The following NOS1 variants were observed in gnomAD, a reference collection of about 807,000 sequenced individuals.
The protein encoded by NOS1 is nitric oxide synthase 1.
In NOS1, 51 loss-of-function variants were observed where a neutral mutation model predicts 164.5. The observed-to-expected ratio is 0.31, with a 90% confidence interval of 0.25 to 0.39. The LOEUF is 0.39. NOS1 is among the 10% of genes least tolerant of loss of function. The pLI, the probability that NOS1 is intolerant of heterozygous loss-of-function variation, is 1.00. For synonymous variants in NOS1, 719 were observed against 745.8 expected (o/e 0.96, Z 0.59); for missense variants, 1,362 against 1,885.6 (o/e 0.72, Z 5.14).
chr12:117,268,951 A>G (rs1342546302), intron 10 of NOS1, among the ~76,000 whole-genome samples: 4 of 152,178 alleles, frequency 2.6e-5, no homozygotes, highest in Admixed American at 2.0e-4. Context: ...ATGTTAAAAA[A>G]TTTAAAAAGT....
At chr12:117,244,606 G>A (rs903259233) in intron 18 of NOS1, among the ~76,000 whole-genome samples, 3 of 152,206 alleles carry the variant, frequency 2.0e-5, no homozygotes, top group Non-Finnish European at 4.4e-5. Context: ...TTTAAGAGTA[G>A]TTTTTACCAT....
At position 117,214,008 on chromosome 12, in the gene NOS1, T is replaced by G. The variant is rs888625708; in HGVS notation, c.*1301A>C. The G allele has an allele frequency of 2.0e-6, 2 of 985,228 alleles. No homozygotes were observed. The highest frequency in any genetic ancestry group is 2.4e-6 in the Non-Finnish European group (2 of 829,932). The allele number at this position is 985,228 out of a possible 1,614,324, so 61.0% of individuals were successfully genotyped here. ...TTTGTCAAAATTAATTTAACAGGTT[T>G]AAAACTTTGGAGATCAACTGCAGAG... On this transcript the variant is annotated 3_prime_UTR_variant, in exon 29 of 29. Transcript: ENST00000317775.
At position 117,211,326 on chromosome 12, in the gene NOS1, C is replaced by T. The variant is rs1005816449; in HGVS notation, c.*3983G>A. 4.0e-5 allele frequency: 39 copies of T among 985,254 alleles called. No individual in the cohort carries two copies. The highest frequency in any genetic ancestry group is 4.7e-5 in the Non-Finnish European group (39 of 829,970). 61.0% of individuals were successfully genotyped at this position (985,254 alleles called of 1,614,324 possible). A position where few individuals can be genotyped will look rare whatever the true frequency, so the allele number is the denominator to read the frequency against. ...GGATGGGGTGCCAGGTACGCTGATT[C>T]AGTTCCTGGAGTCTCTTTATCACTA... On this transcript the variant is annotated 3_prime_UTR_variant, in exon 29 of 29. Transcript: ENST00000317775.
chr12:117,225,250 G>A, intron 24 of NOS1, 113 bp from the exon 25 acceptor site: 1 of 1,396,182 alleles, frequency 7.2e-7, no homozygotes, highest in East Asian at 2.4e-5. Context: ...TGAGACTTAA[G>A]GCTCTTCAGC....
At chr12:117,340,036 G>T (rs148654576) in intron 1 of NOS1, among the ~76,000 whole-genome samples, 1 of 152,148 alleles carries the variant, frequency 6.6e-6, no homozygotes, top group Admixed American at 6.5e-5. Flanking sequence ...ACAGGGTCTC[G>T]CTTTGTTGCC....
At chr12:117,224,405 C>A (rs1868467110) in intron 25 of NOS1, among the ~76,000 whole-genome samples, 1 of 152,154 alleles carries the variant, frequency 6.6e-6, no homozygotes, top group Admixed American at 6.5e-5. Flanking sequence ...CTCACCACAG[C>A]CTCCCAAGCA....
chr12:117,330,716 C>T lies in NOS1; in HGVS notation c.354G>A (p.Lys118=), dbSNP rs772058236. The T allele has an allele frequency of 2.5e-6, 4 of 1,613,948 alleles. No homozygotes were observed. In the Admixed American group the frequency reaches 6.7e-5, roughly 27 times the overall value. ...CCAGGGGCTGTGTCACCCGGATGGTCTTGGGGGTCCCATCACCTGTAAAGG... is the reference window on the plus strand; with the variant it reads ...CCAGGGGCTGTGTCACCCGGATGGTTTTGGGGGTCCCATCACCTGTAAAGG... ...ETTFTGDGTP[K]TIRVTQPLGP... The change falls in exon 2 of 29, where the codon AAG becomes AAA. Residue 118 remains lysine, a synonymous_variant. Transcript: ENST00000317775. This position sits in a 1 kb window ranked among gnomAD's most constrained non-coding sequence, Gnocchi z 4.6.
intron 24 of NOS1, 89 bp from the exon 25 acceptor site, chr12:117,225,226 C>T (rs547897667): frequency 2.9e-5 from 43 of 1,503,282 alleles, no homozygotes; most frequent in South Asian, 5.2e-5. Context: ...TGGCCATCTT[C>T]GGTAGACATA....
At chr12:117,262,685 A>T (rs1872037599) in intron 13 of NOS1, among the ~76,000 whole-genome samples, 1 of 152,070 alleles carries the variant, frequency 6.6e-6, no homozygotes, top group Admixed American at 6.6e-5. Flanking sequence ...GACCTGAGGG[A>T]GCTGAGGAAA....
In NOS1 at chr12:117,210,951, T is replaced by TTTTAC; in HGVS notation, c.*4357_*4358insGTAAA. On this transcript the variant is annotated 3_prime_UTR_variant, in exon 29 of 29. Coordinates refer to ENST00000317775, the MANE Select transcript of NOS1 (RefSeq NM_000620.5). The stretch of plus-strand genomic sequence containing the variant: ...GCTAGGGGCAAGATGTTTTATTTTA[T>TTTTAC]TTTATTTTATTTTATTTTTTTTGAG... 1.0e-6 allele frequency: 1 copy of TTTTAC among 958,866 alleles called. No individual in the cohort carries two copies. Among genetic ancestry groups the TTTTAC allele is most frequent in the Non-Finnish European group, 1.2e-6 (1 of 807,326 alleles). 59.4% of individuals were successfully genotyped at this position (958,866 alleles called of 1,614,324 possible). A position where few individuals can be genotyped will look rare whatever the true frequency, so the allele number is the denominator to read the frequency against.
Position 117,330,986 on chromosome 12 carries a change from C to G in NOS1, c.84G>C (p.Leu28=). 6.2e-7 allele frequency: 1 copy of G among 1,614,218 alleles called. No homozygotes were observed. The highest frequency in any genetic ancestry group is 1.1e-5 in the South Asian group (1 of 91,082). Residue 28 remains leucine, a synonymous_variant, in exon 2 of 29, where the codon CTG becomes CTC. Transcript: ENST00000317775. The surrounding 1 kb of genome is among the most constrained non-coding windows in gnomAD (Gnocchi z 4.6). ...VRLFKRKVGG[L]GFLVKERVSK... is the part of the protein sequence containing the mutation. ...TGACCCGCTCCTTCACCAGAAATCC[C>G]AGGCCCCCAACTTTGCGCTTGAAGA...
At chr12:117,300,439 T>C (rs796936291) in intron 3 of NOS1, among the ~76,000 whole-genome samples, 15 of 152,316 alleles carry the variant, frequency 9.8e-5, no homozygotes, top group East Asian at 3.9e-4. Flanking sequence ...CACGCACCAC[T>C]TCCTGGCTCC....
intron 1 of NOS1, among the ~76,000 whole-genome samples, chr12:117,360,843 G>A (rs1877106717): frequency 6.6e-6 from 1 of 152,202 alleles, no homozygotes; most frequent in African/African-American, 2.4e-5. Flanking sequence ...CGGGAGGGTA[G>A]CGAGCTGTGC....
At chr12:117,216,896 T>A (rs1042295215) in intron 28 of NOS1, among the ~76,000 whole-genome samples, 4 of 152,098 alleles carry the variant, frequency 2.6e-5, no homozygotes, top group African/African-American at 9.7e-5. Flanking sequence ...ACAAAGAAGA[T>A]GCCAAATTCA....
chr12:117,285,208 T>A (rs1389619472), intron 7 of NOS1, 33 bp downstream of exon 7: 1 of 1,513,250 alleles, frequency 6.6e-7, no homozygotes, highest in Admixed American at 1.7e-5. Context: ...ACTTTTGACC[T>A]CCTGCTCCCC....
intron 20 of NOS1, among the ~76,000 whole-genome samples, chr12:117,235,685 C>T (rs1869648866): frequency 6.6e-6 from 1 of 152,194 alleles, no homozygotes; most frequent in East Asian, 1.9e-4. Context: ...TTCAAGAGGC[C>T]TGTGCTAATC....
rs1408242878 is a variant in NOS1, at chr12:117,272,712, G to C, written c.1665-153C>G. 6.6e-6 allele frequency among the ~76,000 whole-genome samples: 1 copy of C among 152,202 alleles called. No individual in the cohort carries two copies. Among genetic ancestry groups the C allele is most frequent in the Non-Finnish European group, 1.5e-5 (1 of 68,040 alleles). Reference sequence around the variant, plus strand: ...CCTGCTTCAGATCTGTGGAATTGCAGGTTCTGCAGCTGGGGGCCTGAGAAT... The same window carrying C: ...CCTGCTTCAGATCTGTGGAATTGCACGTTCTGCAGCTGGGGGCCTGAGAAT... On this transcript the variant is annotated intron_variant, in intron 9 of 28. Transcript: ENST00000317775. The surrounding 1 kb of genome is among the most constrained non-coding windows in gnomAD (Gnocchi z 4.3).
At chr12:117,334,079 C>T (rs1021526015) in intron 1 of NOS1, among the ~76,000 whole-genome samples, 9 of 152,180 alleles carry the variant, frequency 5.9e-5, no homozygotes, top group African/African-American at 1.9e-4. Context: ...AGGACAGAGG[C>T]GGGAATTAGC....
chr12:117,348,393 C>G (rs561394787), intron 1 of NOS1: 97 of 152,234 alleles, frequency 6.4e-4, no homozygotes, highest in African/African-American at 2.3e-3. Flanking sequence ...GTTTCTTCAT[C>G]TATAAAATGG....
Sources: gnomAD v4.1 joint callset for allele counts (sites outside exome capture counted in the v4.1 genomes callset) on GRCh38, gnomAD v4.1.1 for gene constraint, Gnocchi (gnomAD v3.1) non-coding constraint, MANE v1.5 for transcripts, NCBI Gene and HGNC (gene_info 2026-07-23, HGNC 2026-07-21) for gene names.